Variants in RAD51B observed in about 807,000 individuals in gnomAD.
RAD51B encodes the protein RAD51 paralog B, also known as DNA repair protein RAD51 homolog 2.
Under a neutral mutation model 42.2 loss-of-function variants are expected in RAD51B, and 38 were observed. The observed-to-expected ratio is 0.90, with a 90% CI of 0.70 to 1.18. The LOEUF (loss-of-function observed/expected upper bound fraction) is 1.18. RAD51B is among the 50% of genes most tolerant of loss of function. RAD51B has a pLI of 0.00. For missense variants in RAD51B, 373 were observed against 400.7 expected, an observed-to-expected ratio of 0.93 and a Z score of 0.59; for synonymous variants, 154 against 145.2, an observed-to-expected ratio of 1.06 and a Z score of -0.43.
intron 10 of RAD51B, among the ~76,000 whole-genome samples, chr14:68,603,666 T>C (rs1457697970): frequency 1.3e-5 from 2 of 152,226 alleles, no homozygotes; most frequent in African/African-American, 4.8e-5. Context: ...TGTTCTGTTT[T>C]AATTCTGTTG....
intron 8 of RAD51B, among the ~76,000 whole-genome samples, chr14:68,321,575 A>G (rs918541744): frequency 2.0e-5 from 3 of 152,114 alleles, no homozygotes; most frequent in Admixed American, 6.5e-5. Context: ...GCAGCATTTG[A>G]TCCATAATCT....
Position 68,056,074 on chromosome 14 carries a change from A to C in RAD51B, c.756+168870A>C, listed in dbSNP as rs531036187. Among the ~76,000 whole-genome samples the C allele has an allele frequency of 4.6e-5, 7 of 152,138 alleles. No homozygotes were observed. The East Asian group carries it at 1.2e-3, about 25-fold the overall frequency. On this transcript the variant is annotated intron_variant, in intron 7 of 10. Transcript: ENST00000471583. ...AATCCTTTTGCACAGATAATGGTAC[A>C]TTTTTTTCTTACTAGAAACTAGAGC...
intron 10 of RAD51B, among the ~76,000 whole-genome samples, chr14:68,642,066 T>C (rs886670971): frequency 4.6e-5 from 7 of 152,226 alleles, no homozygotes; most frequent in African/African-American, 1.4e-4. Flanking sequence ...GTAATTTTCT[T>C]TTCTTATAAT....
At chr14:68,613,552 C>T (rs2140110099), downstream of RAD51B, among the ~76,000 whole-genome samples, 1 of 151,126 alleles carries the variant, frequency 6.6e-6, no homozygotes, top group East Asian at 2.0e-4. Flanking sequence ...CTCCCAGGTT[C>T]ATGCCATTCT....
intron 8 of RAD51B, chr14:68,338,845 T>C (rs908002615): frequency 9.9e-6 from 6 of 607,558 alleles, no homozygotes; most frequent in African/African-American, 5.5e-5. Flanking sequence ...TCATCGTATC[T>C]GTCGTAGTTG....
chr14:68,097,963 G>C (rs561798256), intron 7 of RAD51B, among the ~76,000 whole-genome samples: 6 of 152,106 alleles, frequency 3.9e-5, no homozygotes, highest in Non-Finnish European at 8.8e-5. Context: ...CCCATGTGCT[G>C]TTCATTCTGC....
At chr14:68,332,509 C>T (rs555581627) in intron 8 of RAD51B, among the ~76,000 whole-genome samples, 93 of 152,282 alleles carry the variant, frequency 6.1e-4, no homozygotes, top group African/African-American at 1.9e-3. Context: ...GGGTGCATGG[C>T]TCTTAACTAC....
chr14:68,230,753 C>T (rs2080132934), intron 7 of RAD51B, among the ~76,000 whole-genome samples: 1 of 152,206 alleles, frequency 6.6e-6, no homozygotes, highest in African/African-American at 2.4e-5. Context: ...CTTAGGAGTT[C>T]TTGGCTGTGA....
At chr14:68,682,838 C>T in intron 11 of RAD51B, 2 of 709,326 alleles carry the variant, frequency 2.8e-6, no homozygotes, top group African/African-American at 2.1e-5. Flanking sequence ...GAAATGGAAT[C>T]TCTGAAGGAT....
At chr14:68,199,712 C>G (rs1274637) in intron 7 of RAD51B, among the ~76,000 whole-genome samples, 29,129 of 152,240 alleles carry the variant, frequency 0.19, 3,255 homozygotes, top group Middle Eastern at 0.36. Flanking sequence ...TCTACAGCCA[C>G]TCTCCCTCTA....
intron 7 of RAD51B, among the ~76,000 whole-genome samples, chr14:68,204,573 C>T (rs916434237): frequency 1.3e-5 from 2 of 152,136 alleles, no homozygotes; most frequent in Non-Finnish European, 2.9e-5. Context: ...TTGTTTGATG[C>T]AGAGTTGCCA....
intron 7 of RAD51B, among the ~76,000 whole-genome samples, chr14:68,037,501 G>A (rs1242150933): frequency 6.6e-6 from 1 of 151,946 alleles, no homozygotes; most frequent in Non-Finnish European, 1.5e-5. Flanking sequence ...TTACAGGTGT[G>A]AGCCACCGTG....
intron 7 of RAD51B, among the ~76,000 whole-genome samples, chr14:68,216,294 C>T (rs865877945): frequency 5.3e-5 from 8 of 152,162 alleles, no homozygotes; most frequent in African/African-American, 1.2e-4. Flanking sequence ...TCATGCGTTG[C>T]GTTTGTTAGA....
intron 10 of RAD51B, among the ~76,000 whole-genome samples, chr14:68,506,781 T>C (rs1248755455): frequency 6.6e-6 from 1 of 152,066 alleles, no homozygotes; most frequent in Non-Finnish European, 1.5e-5. Context: ...ATTGTTGATA[T>C]GTCTTGGGGG....
chr14:68,590,432 G>T (rs1890686777), intron 10 of RAD51B, among the ~76,000 whole-genome samples: 2 of 152,250 alleles, frequency 1.3e-5, no homozygotes, highest in Admixed American at 1.3e-4. Context: ...GCATGGCAGG[G>T]TGTTCCCAGT....
chr14:67,922,687 C>CTTT (rs34206440), intron 7 of RAD51B, among the ~76,000 whole-genome samples: 21,425 of 132,224 alleles, frequency 0.16, 1,881 homozygotes, highest in Middle Eastern at 0.28. Flanking sequence ...AATATGTAGT[C>CTTT]TTTTTTTTTT....
At chr14:68,478,099 A>C (rs917264916), downstream of RAD51B, 17 of 1,045,730 alleles carry the variant, frequency 1.6e-5, no homozygotes, top group Non-Finnish European at 2.0e-5. Context: ...CCAGATAAAA[A>C]GAGTAGGTGT....
In RAD51B at chr14:68,642,640, C is replaced by T. The variant is rs141802278; in HGVS notation, c.1037-8141C>T. 6.0e-3 allele frequency among the ~76,000 whole-genome samples: 919 copies of T among 152,118 alleles called. 4 individuals carry two copies. The highest frequency in any genetic ancestry group is 9.6e-3 in the Non-Finnish European group (652 of 67,992). ...TCCTTTGATTTGTATTATTTCTTTTCGTCTCCTTCCTTGGGATTTAATTTG... is the reference window on the plus strand; with the variant it reads ...TCCTTTGATTTGTATTATTTCTTTTTGTCTCCTTCCTTGGGATTTAATTTG... On this transcript the variant is annotated intron_variant, in intron 10 of 11. Transcript: ENST00000488612.
chr14:68,154,330 C>T (rs758421418), intron 7 of RAD51B, among the ~76,000 whole-genome samples: 8 of 152,272 alleles, frequency 5.3e-5, no homozygotes, highest in East Asian at 1.9e-4. Context: ...AGGCAAGACC[C>T]GTCTGAGTAT....
Sources: gnomAD v4.1 joint callset for allele counts (sites outside exome capture counted in the v4.1 genomes callset) on GRCh38, gnomAD v4.1.1 for gene constraint, MANE v1.5 for transcripts, NCBI Gene and HGNC (gene_info 2026-07-23, HGNC 2026-07-21) for gene names.